Variants in TLK1 observed in about 807,000 individuals in gnomAD.
TLK1 encodes the protein tousled like kinase 1, also known as serine/threonine-protein kinase tousled-like 1.
A neutral mutation model predicts 105.3 loss-of-function variants in TLK1; 24 were observed. The observed-to-expected ratio is 0.23, with a 90% CI of 0.17 to 0.32. The LOEUF (loss-of-function observed/expected upper bound fraction) is 0.32. TLK1 is among the 10% of genes least tolerant of loss of function. The pLI is 1.00. For missense variants in TLK1, 558 were observed against 910.5 expected, an observed-to-expected ratio of 0.61 and a Z score of 4.98; for synonymous variants, 321 against 310.4, an observed-to-expected ratio of 1.03 and a Z score of -0.36.
At chr2:171,040,426 G>C (rs1390211611) in intron 11 of TLK1, among the ~76,000 whole-genome samples, 2 of 152,036 alleles carry the variant, frequency 1.3e-5, no homozygotes, top group African/African-American at 4.8e-5. Context: ...TGGGGACAGG[G>C]GTTAGGTATA....
chr2:171,046,168 G>C lies in TLK1; in HGVS notation c.1169+6C>G. On this transcript the variant is annotated splice_donor_region_variant and intron_variant, in intron 11 of 20. Transcript: ENST00000431350. ...TAAAAAAGAAAAATTTTAAATGGAG[G>C]CTTACAGTTGTGGTAAATTTGGTCT... 2.6e-6 allele frequency: 4 copies of C among 1,544,730 alleles called. No individual in the cohort carries two copies. The highest frequency in any genetic ancestry group is 3.5e-6 in the Non-Finnish European group (4 of 1,149,504).
At chr2:171,057,957 T>C (rs891452152) in intron 5 of TLK1, among the ~76,000 whole-genome samples, 194 bp downstream of exon 5, 1 of 152,068 alleles carries the variant, frequency 6.6e-6, no homozygotes, top group Non-Finnish European at 1.5e-5. Flanking sequence ...TGAGAAAGTA[T>C]TTAGAAAAAA....
intron 3 of TLK1, among the ~76,000 whole-genome samples, chr2:171,078,637 C>A (rs1480738863): frequency 6.6e-6 from 1 of 152,158 alleles, no homozygotes; most frequent in Non-Finnish European, 1.5e-5. Flanking sequence ...TTCATTCGCA[C>A]AGAACAGTTT....
chr2:171,124,099 C>T (rs2105543074), intron 1 of TLK1, among the ~76,000 whole-genome samples: 2 of 152,282 alleles, frequency 1.3e-5, no homozygotes, highest in Admixed American at 1.3e-4. Flanking sequence ...ATGGAACTTT[C>T]TGTGCATTTG....
intron 1 of TLK1, among the ~76,000 whole-genome samples, chr2:171,142,423 A>G (rs1392617527): frequency 6.6e-6 from 1 of 152,242 alleles, no homozygotes; most frequent in African/African-American, 2.4e-5. Flanking sequence ...GCGAAAGCTG[A>G]AAGAATGGAA....
intron 1 of TLK1, among the ~76,000 whole-genome samples, chr2:171,140,039 G>A (rs180955556): frequency 3.3e-5 from 5 of 152,274 alleles, no homozygotes; most frequent in Non-Finnish European, 5.9e-5. Context: ...CTCACCTCCC[G>A]CTGTGTGGCT....
In TLK1 at chr2:171,101,114, A is replaced by T. The variant is rs183648979; in HGVS notation, c.258+16625T>A. ...TGTAATCCCAGCACTTTGGGAGGCC[A>T]AGGAGGGTGGATCATGAGGTCAGGA... On this transcript the variant is annotated intron_variant, in intron 2 of 20. Coordinates refer to ENST00000431350, the MANE Select transcript of TLK1 (RefSeq NM_012290.5). 6.8e-4 allele frequency among the ~76,000 whole-genome samples: 103 copies of T among 152,106 alleles called. 2 individuals carry two copies. The highest frequency in any genetic ancestry group is 2.4e-3 in the African/African-American group (100 of 41,490).
chr2:171,033,178 C>G (rs1031051931), intron 11 of TLK1, among the ~76,000 whole-genome samples: 1 of 152,018 alleles, frequency 6.6e-6, no homozygotes, highest in Non-Finnish European at 1.5e-5. Context: ...TGCACTTCAG[C>G]CTGGGTGACA....
Position 171,082,838 on chromosome 2 carries a change from G to A in TLK1, c.273C>T (p.Asn91=), listed in dbSNP as rs1406438055. The change falls in exon 3 of 21, where the codon AAC becomes AAT. Residue 91 remains asparagine (N), a synonymous_variant. Coordinates refer to ENST00000431350, the MANE Select transcript of TLK1 (RefSeq NM_012290.5). ...TTCCAAAACTGTGATTAGAGCTTTC[G>A]TTATTTGTTGAGGCCTGTTAAAGAT... ...CSVGAKASTN[N]ESSNHSFGSL... The A allele has an allele frequency of 2.5e-6, 4 of 1,608,728 alleles. No homozygotes were observed. Among genetic ancestry groups the A allele is most frequent in the South Asian group, 1.1e-5 (1 of 89,434 alleles).
In TLK1 at chr2:170,992,897, T is replaced by G. The variant is rs1683845019; in HGVS notation, c.*883A>C. 6.5e-6 allele frequency: 1 copy of G among 152,676 alleles called. No individual in the cohort carries two copies. 9.5% of individuals were successfully genotyped at this position (152,676 alleles called of 1,614,324 possible). On this transcript the variant is annotated 3_prime_UTR_variant, in exon 21 of 21. Transcript: ENST00000431350. ...GAAATATGACATCTGTACAACAATT[T>G]ACAATAGAGCTAGAAGGGAATTTAT... is the stretch of plus-strand genomic sequence containing the variant.
chr2:171,155,114 CT>C (rs1328523658), intron 1 of TLK1, among the ~76,000 whole-genome samples: 1 of 152,102 alleles, frequency 6.6e-6, no homozygotes, highest in African/African-American at 2.4e-5. Flanking sequence ...AAACACTTTT[CT>C]TTCTTCTTCC....
At chr2:171,169,607 T>C (rs1419731156) in intron 1 of TLK1, among the ~76,000 whole-genome samples, 2 of 152,204 alleles carry the variant, frequency 1.3e-5, no homozygotes, top group Non-Finnish European at 1.5e-5. Flanking sequence ...AGTGGTTGTC[T>C]TTCTGTGGTA....
At position 171,072,341 on chromosome 2, in the gene TLK1, C is replaced by T. The variant is rs57882283; in HGVS notation, c.330+10440G>A. 4.0e-3 allele frequency among the ~76,000 whole-genome samples: 609 copies of T among 152,250 alleles called. 5 individuals carry two copies. The highest frequency in any genetic ancestry group is 0.014 in the Middle Eastern group (4 of 294). On this transcript the variant is annotated intron_variant, in intron 3 of 20. Transcript: ENST00000431350. ...TTGAGTAATGTCTAAAAGCTGGGTG[C>T]GGTGGCTCACGCCCATAATCTCAGC...
At chr2:171,128,610 T>C (rs1690965794) in intron 1 of TLK1, among the ~76,000 whole-genome samples, 1 of 152,168 alleles carries the variant, frequency 6.6e-6, no homozygotes, top group Admixed American at 6.5e-5. Context: ...TATAATAGGA[T>C]TACATATACT....
intron 1 of TLK1, among the ~76,000 whole-genome samples, chr2:171,138,685 T>C (rs1202907912): frequency 6.6e-6 from 1 of 152,198 alleles, no homozygotes; most frequent in African/African-American, 2.4e-5. Flanking sequence ...ATAGAAACAG[T>C]AATAAACACG....
chr2:171,110,529 A>G (rs1349310967), intron 2 of TLK1, among the ~76,000 whole-genome samples: 1 of 152,206 alleles, frequency 6.6e-6, no homozygotes, highest in Non-Finnish European at 1.5e-5. Context: ...GCAGAATACT[A>G]TTTAGCATTC....
chr2:171,079,996 T>TG (rs1407827074), intron 3 of TLK1, among the ~76,000 whole-genome samples: 1 of 151,528 alleles, frequency 6.6e-6, no homozygotes, highest in Non-Finnish European at 1.5e-5. Context: ...GAATCCAGGG[T>TG]GGGGTAAGGG....
chr2:171,197,181 A>G (rs188582123), intron 1 of TLK1, among the ~76,000 whole-genome samples: 3 of 152,344 alleles, frequency 2.0e-5, no homozygotes, highest in Admixed American at 2.0e-4. Context: ...GAAAAAAATA[A>G]GGAAAATATA....
intron 1 of TLK1, among the ~76,000 whole-genome samples, chr2:171,120,449 CA>C (rs199764256): frequency 6.6e-6 from 1 of 151,202 alleles, no homozygotes; most frequent in South Asian, 2.1e-4. Context: ...AACTCAATAA[CA>C]AAAAAAACCC....
Sources: gnomAD v4.1 joint callset for allele counts (sites outside exome capture counted in the v4.1 genomes callset) on GRCh38, gnomAD v4.1.1 for gene constraint, MANE v1.5 for transcripts, NCBI Gene and HGNC (gene_info 2026-07-23, HGNC 2026-07-21) for gene names.